Variants in ZNF804A observed in about 807,000 individuals in gnomAD.
ZNF804A encodes zinc finger protein 804A.
ZNF804A carries 2 observed loss-of-function variants against 16.5 expected under a neutral mutation model. That is an observed-to-expected ratio of 0.12 (90% CI 0.05 to 0.38). The LOEUF (loss-of-function observed/expected upper bound fraction) is 0.38. ZNF804A is among the 10% of genes least tolerant of loss of function. ZNF804A has a pLI of 0.99. For missense variants in ZNF804A, 1,473 were observed against 1,390.7 expected (o/e 1.06, Z -0.94); for synonymous variants, 534 against 489.6 (o/e 1.09, Z -1.20).
chr2:184,827,292 C>T (rs1019128516), intron 1 of ZNF804A, among the ~76,000 whole-genome samples: 7 of 150,442 alleles, frequency 4.7e-5, no homozygotes, highest in African/African-American at 1.7e-4. Context: ...TGTTGAAAAT[C>T]CAGTTATATT....
intron 1 of ZNF804A, among the ~76,000 whole-genome samples, chr2:184,710,960 A>G (rs778776700): frequency 2.0e-5 from 3 of 151,872 alleles, no homozygotes; most frequent in Non-Finnish European, 2.9e-5. Flanking sequence ...TAATGCTGCA[A>G]TGAAAATGAA....
At chr2:184,915,636 T>A (rs1019768288) in intron 2 of ZNF804A, among the ~76,000 whole-genome samples, 11 of 152,102 alleles carry the variant, frequency 7.2e-5, no homozygotes, top group Non-Finnish European at 1.0e-4. Flanking sequence ...AACTGAATGG[T>A]CAGAAAATCA....
intron 1 of ZNF804A, among the ~76,000 whole-genome samples, chr2:184,826,787 CTGTT>C (rs1695174928): frequency 6.6e-6 from 1 of 152,122 alleles, no homozygotes; most frequent in Non-Finnish European, 1.5e-5. Context: ...GTTCATTCTT[CTGTT>C]TTTTACACTG....
chr2:184,649,084 C>A (rs914938337), intron 1 of ZNF804A, among the ~76,000 whole-genome samples: 3 of 152,018 alleles, frequency 2.0e-5, no homozygotes, highest in African/African-American at 7.2e-5. Flanking sequence ...ATTAGCCATA[C>A]TCTTGGAAGA....
chr2:184,867,566 C>T (rs377243439), intron 2 of ZNF804A, among the ~76,000 whole-genome samples: 1 of 151,828 alleles, frequency 6.6e-6, no homozygotes, highest in East Asian at 1.9e-4. Flanking sequence ...CAATTACATA[C>T]TTCACCGATT....
rs139015919 is a variant in ZNF804A, at chr2:184,816,913, T to C, written c.112-49456T>C. 2.5e-3 allele frequency among the ~76,000 whole-genome samples: 382 copies of C among 152,116 alleles called. 1 individual carries two copies. The highest frequency in any genetic ancestry group is 6.8e-3 in the Middle Eastern group (2 of 294). On this transcript the variant is annotated intron_variant, in intron 1 of 3. Transcript: ENST00000302277. ...GAGAAGGGATGTTGAGACCAGGAAG[T>C]GTAAAATTTTAAATGAAGTTTATGC...
At chr2:184,750,636 C>G (rs904599626) in intron 1 of ZNF804A, among the ~76,000 whole-genome samples, 1 of 151,284 alleles carries the variant, frequency 6.6e-6, no homozygotes, top group East Asian at 1.9e-4. Context: ...CCAATAATCT[C>G]CAAAAGTTTT....
chr2:184,849,977 A>G (rs1391249763), intron 1 of ZNF804A, among the ~76,000 whole-genome samples: 1 of 152,038 alleles, frequency 6.6e-6, no homozygotes, highest in Non-Finnish European at 1.5e-5. Context: ...GGAAAGAGAA[A>G]TTGTGTATGT....
At position 184,886,308 on chromosome 2, in the gene ZNF804A, G is replaced by A. The variant is rs77428843; in HGVS notation, c.255+19796G>A. 2.2e-3 allele frequency among the ~76,000 whole-genome samples: 332 copies of A among 152,288 alleles called. 3 individuals are homozygous for A. Among genetic ancestry groups the A allele is most frequent in the Middle Eastern group, 0.014 (4 of 294 alleles). ...AAAAGGTTGGTTACCATGGTCTTGCGCAGCTCGGCCCCTGTGGCTTTGTTG... is the reference window on the plus strand; with the variant it reads ...AAAAGGTTGGTTACCATGGTCTTGCACAGCTCGGCCCCTGTGGCTTTGTTG... On this transcript the variant is annotated intron_variant, in intron 2 of 3. Coordinates refer to ENST00000302277, the MANE Select transcript of ZNF804A (RefSeq NM_194250.2).
intron 2 of ZNF804A, among the ~76,000 whole-genome samples, chr2:184,904,908 C>T (rs1255706874): frequency 6.6e-6 from 1 of 151,972 alleles, no homozygotes; most frequent in East Asian, 1.9e-4. Context: ...TCTATTTACC[C>T]ATTTATATGA....
chr2:184,647,564 A>G (rs920772086), intron 1 of ZNF804A, among the ~76,000 whole-genome samples: 5 of 152,232 alleles, frequency 3.3e-5, no homozygotes, highest in Admixed American at 2.0e-4. Context: ...AGCATCTAGA[A>G]TTGAAAAACT....
At chr2:184,805,980 G>A (rs528793550) in intron 1 of ZNF804A, among the ~76,000 whole-genome samples, 2 of 152,018 alleles carry the variant, frequency 1.3e-5, no homozygotes, top group East Asian at 3.9e-4. Flanking sequence ...TCAAGAAGCT[G>A]AACTAGGACT....
At chr2:184,684,518 A>G (rs181084465) in intron 1 of ZNF804A, among the ~76,000 whole-genome samples, 2 of 152,152 alleles carry the variant, frequency 1.3e-5, no homozygotes, top group African/African-American at 4.8e-5. Flanking sequence ...TTTCGAGAGA[A>G]TATTGTATAT....
At chr2:184,802,683 AT>A (rs1226491993) in intron 1 of ZNF804A, among the ~76,000 whole-genome samples, 1 of 152,212 alleles carries the variant, frequency 6.6e-6, no homozygotes, top group Non-Finnish European at 1.5e-5. Context: ...AAGCAGTTGA[AT>A]TTAGTTTGTT....
chr2:184,629,228 T>G (rs770050345), intron 1 of ZNF804A, among the ~76,000 whole-genome samples: 30 of 152,162 alleles, frequency 2.0e-4, no homozygotes, highest in Non-Finnish European at 3.4e-4. Context: ...ATTCACTTTA[T>G]TGTGTCTCTT....
intron 2 of ZNF804A, among the ~76,000 whole-genome samples, chr2:184,923,891 G>T (rs891993178): frequency 4.6e-5 from 7 of 151,648 alleles, no homozygotes; most frequent in African/African-American, 1.7e-4. Context: ...TGTCTCCCTG[G>T]GATACATTCC....
intron 1 of ZNF804A, among the ~76,000 whole-genome samples, chr2:184,666,328 AAC>A (rs1295009406): frequency 1.3e-5 from 2 of 152,108 alleles, no homozygotes; most frequent in East Asian, 3.8e-4. Flanking sequence ...AAGCTAGAAA[AAC>A]AGATTCATTT....
intron 1 of ZNF804A, among the ~76,000 whole-genome samples, chr2:184,637,046 T>C (rs1691711405): frequency 6.6e-6 from 1 of 152,228 alleles, no homozygotes; most frequent in South Asian, 2.1e-4. Context: ...AGTGATGATC[T>C]ATGTGGTTTC....
At chr2:184,845,451 G>T (rs10187190) in intron 1 of ZNF804A, among the ~76,000 whole-genome samples, 23,184 of 151,742 alleles carry the variant, frequency 0.15, 1,967 homozygotes, top group Middle Eastern at 0.24. Flanking sequence ...TCCATTTTTG[G>T]CTACAGAGTT....
Sources: allele counts gnomAD v4.1 joint callset (sites outside exome capture counted in the v4.1 genomes callset), GRCh38; gene constraint gnomAD v4.1.1; transcripts MANE v1.5; gene names NCBI Gene and HGNC (gene_info 2026-07-23, HGNC 2026-07-21).